MMUT: variants seen among roughly 807,000 people sequenced by gnomAD.
The protein encoded by MMUT is methylmalonyl-CoA mutase, mitochondrial.
MMUT carries 79 observed loss-of-function variants against 79.9 expected under a neutral mutation model. The ratio of observed to expected loss-of-function variants is 0.99; its 90% CI spans 0.82 to 1.19. The LOEUF is 1.19. MMUT is among the 50% of genes most tolerant of loss of function. The pLI, the probability that MMUT is intolerant of heterozygous loss-of-function variation, is 0.00. For synonymous variants in MMUT, 273 were observed against 295.7 expected (o/e 0.92, Z 0.79); for missense variants, 860 against 917.2 (o/e 0.94, Z 0.81).
chr6:49,435,683 C>T, intron 11 of MMUT, 60 bp from the exon 12 acceptor site: 3 of 1,537,106 alleles, frequency 2.0e-6, no homozygotes, highest in South Asian at 2.3e-5. Flanking sequence ...ACTATAAAAA[C>T]CCTGGAAGAC....
intron 12 of MMUT, 129 bp from the exon 13 acceptor site, chr6:49,431,985 G>A (rs943823261): frequency 2.8e-6 from 3 of 1,061,682 alleles, no homozygotes; most frequent in African/African-American, 1.6e-5. Context: ...TGGCATTTGG[G>A]GCTAAAAAAT....
rs150580087 is a variant in MMUT at position 49,431,883 on chromosome 6, A to T, written c.2125-27T>A. 1.1e-4 allele frequency: 176 copies of T among 1,608,018 alleles called. No homozygotes were observed. The African/African-American group carries it at 2.0e-3, about 18-fold the overall frequency. ...TGTTGAAAGAATGTGTTTAATTAATAAGAGCCACTATTTCCATTTTCACGG... is the reference window on the plus strand; with the variant it reads ...TGTTGAAAGAATGTGTTTAATTAATTAGAGCCACTATTTCCATTTTCACGG... On this transcript the variant is annotated intron_variant, in intron 12 of 12. Transcript: ENST00000274813.
chr6:49,445,812 C>T (rs1767397949), intron 8 of MMUT, among the ~76,000 whole-genome samples: 1 of 151,740 alleles, frequency 6.6e-6, no homozygotes, highest in African/African-American at 2.4e-5. Context: ...TATGGAGGTC[C>T]AACTATATTT....
chr6:49,442,031 ACCAT>A, intron 9 of MMUT, 60 bp from the exon 10 acceptor site: 1 of 1,496,794 alleles, frequency 6.7e-7, no homozygotes, highest in Non-Finnish European at 9.3e-7. Context: ...ATATCTGTTT[ACCAT>A]AATATTCAAT....
chr6:49,449,265 A>G (rs1767490254), intron 6 of MMUT, among the ~76,000 whole-genome samples: 1 of 152,180 alleles, frequency 6.6e-6, no homozygotes, highest in African/African-American at 2.4e-5. Context: ...ATATATTTTA[A>G]AATGCAATTT....
intron 4 of MMUT, among the ~76,000 whole-genome samples, chr6:49,455,020 T>C (rs1767651386): frequency 6.6e-6 from 1 of 152,164 alleles, no homozygotes; most frequent in African/African-American, 2.4e-5. Flanking sequence ...CACTCCAGCA[T>C]GTGCAACAGA....
intron 6 of MMUT, among the ~76,000 whole-genome samples, 175 bp downstream of exon 6, chr6:49,451,291 A>G (rs1445382557): frequency 6.6e-6 from 1 of 152,184 alleles, no homozygotes; most frequent in Non-Finnish European, 1.5e-5. Flanking sequence ...TTTGAAAACT[A>G]TAAAATCAAA....
At chr6:49,436,621 A>G (rs1267052514) in intron 11 of MMUT, among the ~76,000 whole-genome samples, 3 of 149,750 alleles carry the variant, frequency 2.0e-5, no homozygotes, top group Non-Finnish European at 4.5e-5. Flanking sequence ...AAAAAAAAAA[A>G]TACACATTCA....
At chr6:49,453,361 G>A (rs993859859) in intron 5 of MMUT, among the ~76,000 whole-genome samples, 1 of 151,810 alleles carries the variant, frequency 6.6e-6, no homozygotes, top group Non-Finnish European at 1.5e-5. Context: ...TAGGATGTAA[G>A]TGATTTTATA....
chr6:49,436,044 T>A (rs1394995682), intron 11 of MMUT, among the ~76,000 whole-genome samples: 2 of 152,022 alleles, frequency 1.3e-5, no homozygotes, highest in Admixed American at 1.3e-4. Flanking sequence ...TCACTGATTG[T>A]TAGAGAAATG....
intron 1 of MMUT, among the ~76,000 whole-genome samples, 157 bp from the exon 2 acceptor site, chr6:49,459,662 C>T (rs1339915392): frequency 6.6e-6 from 1 of 152,084 alleles, no homozygotes; most frequent in African/African-American, 2.4e-5. Flanking sequence ...AACTTTGGCC[C>T]CTCTTCTTCA....
chr6:49,434,291 A>G (rs576682042), intron 12 of MMUT, among the ~76,000 whole-genome samples: 1 of 152,356 alleles, frequency 6.6e-6, no homozygotes, highest in Admixed American at 6.5e-5. Flanking sequence ...ATTATATCAC[A>G]TTAAATAATG....
At chr6:49,461,177 A>C (rs1767831057) in intron 1 of MMUT, among the ~76,000 whole-genome samples, 1 of 152,218 alleles carries the variant, frequency 6.6e-6, no homozygotes, top group Non-Finnish European at 1.5e-5. Context: ...TGGTTACTTA[A>C]TGGTTGCTAG....
intron 12 of MMUT, among the ~76,000 whole-genome samples, chr6:49,433,034 A>G (rs973784143): frequency 7.2e-5 from 11 of 152,176 alleles, no homozygotes; most frequent in Non-Finnish European, 1.2e-4. Context: ...AACTTAACAC[A>G]TCTCATTGAA....
intron 11 of MMUT, among the ~76,000 whole-genome samples, chr6:49,437,737 C>G (rs1767168659): frequency 6.6e-6 from 1 of 151,848 alleles, no homozygotes; most frequent in Non-Finnish European, 1.5e-5. Context: ...TGACATTGCC[C>G]TAGTTAAGGT....
chr6:49,444,545 G>T, intron 9 of MMUT, 94 bp downstream of exon 9: 3 of 995,692 alleles, frequency 3.0e-6, no homozygotes, highest in Non-Finnish European at 4.8e-6. Flanking sequence ...GGCTCACATG[G>T]TTTACAGGAT....
chr6:49,436,153 T>A (rs1767119684), intron 11 of MMUT, among the ~76,000 whole-genome samples: 1 of 152,034 alleles, frequency 6.6e-6, no homozygotes. Flanking sequence ...GTGGAGAAAA[T>A]GGAACGTTTA....
intron 11 of MMUT, among the ~76,000 whole-genome samples, chr6:49,437,846 G>A (rs181863892): frequency 9.2e-5 from 14 of 151,978 alleles, no homozygotes; most frequent in African/African-American, 3.1e-4. Context: ...GAAAGTGAAT[G>A]GCACTGTGCT....
At chr6:49,445,247 C>G (rs1210491847) in intron 8 of MMUT, among the ~76,000 whole-genome samples, 2 of 151,916 alleles carry the variant, frequency 1.3e-5, no homozygotes, top group Non-Finnish European at 2.9e-5. Context: ...AAAATAATCT[C>G]GAGAGCGAAA....
Sources: allele counts gnomAD v4.1 joint callset (sites outside exome capture counted in the v4.1 genomes callset), GRCh38; gene constraint gnomAD v4.1.1; transcripts MANE v1.5; gene names NCBI Gene and HGNC (gene_info 2026-07-23, HGNC 2026-07-21).